CFAP251: variants seen among roughly 807,000 people sequenced by gnomAD.
CFAP251 encodes the protein cilia- and flagella-associated protein 251.
CFAP251 carries 93 observed loss-of-function variants against 126.7 expected under a neutral mutation model. The ratio of observed to expected loss-of-function variants is 0.73; its 90% confidence interval spans 0.62 to 0.87. The LOEUF is 0.87. Ranked by LOEUF, CFAP251 falls within the 40% of genes least tolerant of loss-of-function variation. CFAP251 has a pLI of 0.00. For synonymous variants in CFAP251, 503 were observed against 506.9 expected (o/e 0.99, Z 0.10); for missense variants, 1,287 against 1,389.2 (o/e 0.93, Z 1.17).
In CFAP251 at chr12:121,921,418, A is replaced by G. The variant is rs765756388; in HGVS notation, c.113A>G (p.Gln38Arg). ...PNYKEVEDPQ[Q>R]ESKDDTIAWR... ...TATAAAGAAGTAGAAGATCCACAAC[A>G]GGAATCAAAAGATGACACAATAGCA... Residue 38 changes from glutamine (Q) to arginine (R), a missense_variant, in exon 2 of 22, where the codon CAG becomes CGG. By Grantham distance (43) the Gln-to-Arg change is conservative. Coordinates refer to ENST00000288912, the MANE Select transcript of CFAP251 (RefSeq NM_144668.6). The G allele has an allele frequency of 1.2e-6, 2 of 1,614,124 alleles. No individual in the cohort carries two copies. Among genetic ancestry groups the G allele is most frequent in the Non-Finnish European group, 1.7e-6 (2 of 1,180,042 alleles).
At chr12:121,964,493 AC>A (rs1393004619) in intron 15 of CFAP251, among the ~76,000 whole-genome samples, 1 of 152,234 alleles carries the variant, frequency 6.6e-6, no homozygotes, top group African/African-American at 2.4e-5. Context: ...GGCAGGAGGG[AC>A]TTTTAGACAC....
intron 16 of CFAP251, 127 bp from the exon 17 acceptor site, chr12:121,967,879 C>T: frequency 1.1e-6 from 1 of 874,870 alleles, no homozygotes; most frequent in Non-Finnish European, 1.7e-6. Flanking sequence ...GGCTCTCACA[C>T]TCAGAGATGG....
chr12:121,931,524 G>A (rs1385439413), intron 3 of CFAP251, among the ~76,000 whole-genome samples: 2 of 151,996 alleles, frequency 1.3e-5, no homozygotes, highest in African/African-American at 2.4e-5. Context: ...TGTTGGCCAG[G>A]TTGGTCTCGA....
intron 5 of CFAP251, among the ~76,000 whole-genome samples, chr12:121,939,530 G>A (rs1025484334): frequency 1.3e-5 from 2 of 152,156 alleles, no homozygotes; most frequent in Non-Finnish European, 2.9e-5. Context: ...ATGATGTGGA[G>A]CCACTGTTTT....
intron 3 of CFAP251, among the ~76,000 whole-genome samples, chr12:121,928,719 C>A (rs1880558010): frequency 7.5e-6 from 1 of 132,710 alleles, no homozygotes; most frequent in African/African-American, 2.9e-5. Flanking sequence ...TTTTTTGAGA[C>A]AGGGTCTTGC....
At chr12:121,986,163 T>C (rs1882740873) in intron 19 of CFAP251, among the ~76,000 whole-genome samples, 1 of 152,008 alleles carries the variant, frequency 6.6e-6, no homozygotes, top group Non-Finnish European at 1.5e-5. Flanking sequence ...GCTAATTTTT[T>C]GTATCTTTAG....
intron 7 of CFAP251, chr12:121,948,419 A>G (rs1881399374): frequency 6.6e-6 from 1 of 152,168 alleles, no homozygotes; most frequent in South Asian, 2.1e-4. Context: ...TAAATTGACC[A>G]CTATCAGAAA....
intron 19 of CFAP251, chr12:121,998,385 C>T (rs1883067722): frequency 7.4e-6 from 1 of 134,810 alleles, no homozygotes; most frequent in African/African-American, 2.8e-5. Context: ...ATCTTATACC[C>T]TGCAACCTTG....
intron 19 of CFAP251, among the ~76,000 whole-genome samples, chr12:121,986,588 C>T (rs1175529681): frequency 2.0e-5 from 3 of 151,430 alleles, no homozygotes; most frequent in East Asian, 1.9e-4. Context: ...TGTGAGCCAC[C>T]GCGCCCAGCC....
chr12:121,923,243 A>T (rs1880266210), intron 2 of CFAP251, among the ~76,000 whole-genome samples: 1 of 149,464 alleles, frequency 6.7e-6, no homozygotes, highest in African/African-American at 2.5e-5. Flanking sequence ...AAGCAGCCTC[A>T]ACCTCCCAGG....
intron 7 of CFAP251, among the ~76,000 whole-genome samples, chr12:121,943,838 A>G (rs998943013): frequency 2.6e-5 from 4 of 152,230 alleles, no homozygotes; most frequent in African/African-American, 9.6e-5. Flanking sequence ...TACTTACATT[A>G]TCTCACATAA....
In CFAP251 at chr12:121,957,212, T is replaced by A; in HGVS notation, c.1674T>A (p.Thr558=). 6.2e-7 allele frequency: 1 copy of A among 1,613,988 alleles called. No homozygotes were observed. Among genetic ancestry groups the A allele is most frequent in the Non-Finnish European group, 8.5e-7 (1 of 1,179,964 alleles). ...SFSKTPATPP[T]EKSNYPPDCT... is the part of the protein sequence containing the mutation. ...CAAAGACCCCAGCAACTCCTCCTAC[T>A]GAAAAATCAAACTATCCTCCTGACT... is the stretch of plus-strand genomic sequence containing the variant. The change falls in exon 11 of 22, where the codon ACT becomes ACA. Residue 558 remains threonine, a synonymous_variant. Transcript: ENST00000288912.
At chr12:121,971,505 G>A in intron 17 of CFAP251, 1 of 701,842 alleles carries the variant, frequency 1.4e-6, no homozygotes, top group African/African-American at 1.7e-5. Flanking sequence ...TTTTCTCAGG[G>A]CCGGGGCCTG....
In CFAP251 at chr12:121,957,691, G is replaced by A. The variant is rs142019978; in HGVS notation, c.1730+423G>A. Among the ~76,000 whole-genome samples the A allele has an allele frequency of 3.7e-3, 448 of 121,752 alleles. 2 individuals carry two copies. The highest frequency in any genetic ancestry group is 6.0e-3 in the African/African-American group (180 of 30,158). 79.9% of individuals were successfully genotyped at this position (121,752 alleles called of 152,430 possible). ...TCTACTCCAGCCTGGGCGACAGAGCGAGACTCTGTCTCAAAAAAAAAAAAA... is the reference window on the plus strand; with the variant it reads ...TCTACTCCAGCCTGGGCGACAGAGCAAGACTCTGTCTCAAAAAAAAAAAAA... On this transcript the variant is annotated intron_variant, in intron 11 of 21. Coordinates refer to ENST00000288912, the MANE Select transcript of CFAP251 (RefSeq NM_144668.6).
Position 121,985,526 on chromosome 12 carries a change from A to T in CFAP251, c.3006+9841A>T, listed in dbSNP as rs1371630980. On this transcript the variant is annotated intron_variant, in intron 19 of 21. Coordinates refer to ENST00000288912, the MANE Select transcript of CFAP251 (RefSeq NM_144668.6). ...TCTCCAGCCTGGGCGACAGAGCAAGACTCCATCTCAAAAAAAAAAAAAAAA... is the reference window on the plus strand; with the variant it reads ...TCTCCAGCCTGGGCGACAGAGCAAGTCTCCATCTCAAAAAAAAAAAAAAAA... Among the ~76,000 whole-genome samples, 9 of 130,202 alleles carry T rather than the reference A, an allele frequency of 6.9e-5. No individual in the cohort carries two copies. In the East Asian group the frequency reaches 1.6e-3, roughly 24 times the overall value. 85.4% of individuals were successfully genotyped at this position (130,202 alleles called of 152,430 possible).
chr12:121,937,234 G>A (rs73415630), intron 5 of CFAP251, among the ~76,000 whole-genome samples: 9,115 of 152,188 alleles, frequency 0.06, 893 homozygotes, highest in African/African-American at 0.21. Flanking sequence ...TCTGCTGGCT[G>A]CGGGTGACCC....
intron 19 of CFAP251, among the ~76,000 whole-genome samples, chr12:121,995,358 T>G (rs1449145774): frequency 6.6e-6 from 1 of 152,254 alleles, no homozygotes; most frequent in East Asian, 1.9e-4. Context: ...ATACATGATT[T>G]AACAAGCAAT....
chr12:121,931,668 C>T, intron 3 of CFAP251, 78 bp from the exon 4 acceptor site: 1 of 1,354,578 alleles, frequency 7.4e-7, no homozygotes, highest in Non-Finnish European at 9.6e-7. Context: ...AAATCCTTCC[C>T]CTCCGGCGAG....
chr12:121,943,078 C>G lies in CFAP251; in HGVS notation c.1191+103C>G, dbSNP rs147921039. ...CCTGTAATCCCAGAACTTTGGGAGG[C>G]TGAGGTAGGTTATCACTTGAGGTCA... On this transcript the variant is annotated intron_variant, in intron 7 of 21. Coordinates refer to ENST00000288912, the MANE Select transcript of CFAP251 (RefSeq NM_144668.6). 9.9e-5 allele frequency: 121 copies of G among 1,223,348 alleles called. 1 individual carries two copies. The African/African-American group carries it at 1.6e-3, about 16-fold the overall frequency. 75.8% of individuals were successfully genotyped at this position (1,223,348 alleles called of 1,614,324 possible).
Sources: gnomAD v4.1 joint callset for allele counts (sites outside exome capture counted in the v4.1 genomes callset) on GRCh38, gnomAD v4.1.1 for gene constraint, MANE v1.5 for transcripts, NCBI Gene and HGNC (gene_info 2026-07-23, HGNC 2026-07-21) for gene names.